RBFOX1: variants seen among roughly 807,000 people sequenced by gnomAD.
RBFOX1 encodes RNA binding protein fox-1 homolog 1.
RBFOX1 carries 8 observed loss-of-function variants against 57.7 expected under a neutral mutation model. The ratio of observed to expected loss-of-function variants is 0.14; its 90% CI spans 0.08 to 0.25. The LOEUF is 0.25. RBFOX1 is among the 10% of genes least tolerant of loss of function. The pLI is 1.00. For synonymous variants in RBFOX1, 326 were observed against 222.4 expected, an observed-to-expected ratio of 1.47 and a Z score of -4.15; for missense variants, 611 against 548.5, an observed-to-expected ratio of 1.11 and a Z score of -1.14.
chr16:7,613,714 C>T (rs567818873), intron 10 of RBFOX1, among the ~76,000 whole-genome samples: 2 of 152,122 alleles, frequency 1.3e-5, no homozygotes, highest in Non-Finnish European at 2.9e-5. Context: ...GGCTCCCTCA[C>T]ATTTTTTCCT....
At chr16:6,309,152 A>G (rs567377292) in intron 1 of RBFOX1, among the ~76,000 whole-genome samples, 1 of 152,188 alleles carries the variant, frequency 6.6e-6, no homozygotes, top group Non-Finnish European at 1.5e-5. Flanking sequence ...CGGTGGAGAA[A>G]TAATATAAAC....
intron 3 of RBFOX1, among the ~76,000 whole-genome samples, chr16:6,992,113 G>T (rs1192343809): frequency 6.6e-6 from 1 of 151,986 alleles, no homozygotes; most frequent in Non-Finnish European, 1.5e-5. Flanking sequence ...GGGTGTAGCT[G>T]TCTCTTCCTT....
chr16:7,590,580 C>T (rs1359761410), intron 7 of RBFOX1, among the ~76,000 whole-genome samples: 1 of 152,044 alleles, frequency 6.6e-6, no homozygotes, highest in Non-Finnish European at 1.5e-5. Flanking sequence ...AGATATCTGG[C>T]CGTGTGCGGT....
chr16:5,714,800 A>G (rs2051627031), intron 3 of RBFOX1, among the ~76,000 whole-genome samples: 1 of 152,228 alleles, frequency 6.6e-6, no homozygotes. Flanking sequence ...TAAGGTAGAA[A>G]CTATTATCGT....
At chr16:7,337,362 G>A (rs555026534) in intron 4 of RBFOX1, among the ~76,000 whole-genome samples, 1 of 152,294 alleles carries the variant, frequency 6.6e-6, no homozygotes, top group South Asian at 2.1e-4. Flanking sequence ...GAGTTGGGCT[G>A]TGAAGCATTA....
intron 4 of RBFOX1, among the ~76,000 whole-genome samples, chr16:5,877,669 G>T (rs2057649864): frequency 6.6e-6 from 1 of 152,264 alleles, no homozygotes; most frequent in South Asian, 2.1e-4. Context: ...TCCTTCCTGA[G>T]CAGGGCTACC....
chr16:5,729,379 C>CT (rs200789352), intron 3 of RBFOX1, among the ~76,000 whole-genome samples: 56 of 123,922 alleles, frequency 4.5e-4, no homozygotes, highest in East Asian at 1.2e-3. Flanking sequence ...ACACAGCTAG[C>CT]TTTTTTTTTT....
At chr16:6,772,224 G>A (rs1165588312) in intron 3 of RBFOX1, among the ~76,000 whole-genome samples, 4 of 152,104 alleles carry the variant, frequency 2.6e-5, no homozygotes, top group Admixed American at 2.0e-4. Context: ...GGGCTAGTGG[G>A]GAGTTTTTTT....
intron 5 of RBFOX1, among the ~76,000 whole-genome samples, chr16:7,567,880 C>T (rs1421997390): frequency 1.3e-5 from 1 of 74,762 alleles, no homozygotes; most frequent in Non-Finnish European, 2.6e-5. Context: ...TCTATATATG[C>T]ATATGTATAC....
rs142572287 is a variant in RBFOX1, at chr16:5,469,885, A to G, written c.258+2631A>G. ...CATTGGAAGGCAAGACCACATGATT[A>G]TCCATTCATCTAGGGGTGGAAATTT... On this transcript the variant is annotated intron_variant, in intron 2 of 2. Transcript: ENST00000585867. Among the ~76,000 whole-genome samples the G allele has an allele frequency of 3.5e-3, 532 of 152,304 alleles. 1 individual carries two copies. The highest frequency in any genetic ancestry group is 0.012 in the African/African-American group (514 of 41,560).
chr16:5,464,607 C>T (rs184370720), intron 1 of RBFOX1, among the ~76,000 whole-genome samples: 2 of 137,778 alleles, frequency 1.5e-5, no homozygotes, highest in East Asian at 2.2e-4. Flanking sequence ...TCTCTCAGTA[C>T]AGTGTTCTCC....
chr16:6,449,271 A>T (rs2094544786), intron 2 of RBFOX1, among the ~76,000 whole-genome samples: 1 of 152,188 alleles, frequency 6.6e-6, no homozygotes. Flanking sequence ...CTCATTCCGA[A>T]AGAAATCATG....
At chr16:5,948,648 A>G (rs1411844313) in intron 4 of RBFOX1, among the ~76,000 whole-genome samples, 5 of 152,208 alleles carry the variant, frequency 3.3e-5, no homozygotes, top group African/African-American at 1.2e-4. Flanking sequence ...AATTCAAGGA[A>G]TGCTGCAGAT....
intron 3 of RBFOX1, among the ~76,000 whole-genome samples, chr16:6,952,207 C>G (rs1479613722): frequency 6.6e-6 from 1 of 152,146 alleles, no homozygotes; most frequent in Non-Finnish European, 1.5e-5. Flanking sequence ...ACTGCTATCA[C>G]TGAGATGAAA....
chr16:7,161,645 T>G (rs914921490), intron 4 of RBFOX1, among the ~76,000 whole-genome samples: 3 of 152,150 alleles, frequency 2.0e-5, no homozygotes, highest in African/African-American at 4.8e-5. Context: ...TCTATGGAGG[T>G]AAGGAAGAGG....
rs1567354925 is a variant in RBFOX1 at position 5,339,470 on chromosome 16, G to GGTTTTTTT, written c.219+99365_219+99366insGTTTTTTT. On this transcript the variant is annotated intron_variant, in intron 1 of 2. Coordinates refer to the RBFOX1 transcript ENST00000585867. The stretch of plus-strand genomic sequence containing the variant: ...AAAAGCTAGAAGCTGCTTTTTCCGT[G>GGTTTTTTT]TTTTTTTTTTTTTTTTTTTTTTTTT... Among the ~76,000 whole-genome samples, 128 of 40,888 alleles carry GGTTTTTTT rather than the reference G, an allele frequency of 3.1e-3. 3 individuals carry two copies. Among genetic ancestry groups the GGTTTTTTT allele is most frequent in the Admixed American group, 8.0e-3 (17 of 2,138 alleles). 26.8% of individuals were successfully genotyped at this position (40,888 alleles called of 152,430 possible).
intron 2 of RBFOX1, among the ~76,000 whole-genome samples, chr16:5,496,231 T>C (rs2042997316): frequency 6.6e-6 from 1 of 152,210 alleles, no homozygotes; most frequent in African/African-American, 2.4e-5. Flanking sequence ...CTTGAGTGCA[T>C]ACTATTCCCT....
chr16:7,709,992 A>G (rs1180827813), intron 15 of RBFOX1: 14 of 1,008,844 alleles, frequency 1.4e-5, no homozygotes, highest in Non-Finnish European at 1.7e-5. Flanking sequence ...TAGAAAAAGG[A>G]AATCGTTAAG....
chr16:6,535,077 A>G (rs1389145020), intron 2 of RBFOX1, among the ~76,000 whole-genome samples: 2 of 152,136 alleles, frequency 1.3e-5, no homozygotes, highest in African/African-American at 4.8e-5. Context: ...CCAGGTTGGG[A>G]CCATGGTTGG....
Sources: allele counts gnomAD v4.1 joint callset (sites outside exome capture counted in the v4.1 genomes callset), GRCh38; gene constraint gnomAD v4.1.1; transcripts MANE v1.5; gene names NCBI Gene and HGNC (gene_info 2026-07-23, HGNC 2026-07-21).